SPON1: variants seen among roughly 807,000 people sequenced by gnomAD.
SPON1 encodes the protein spondin-1.
SPON1 carries 52 observed loss-of-function variants against 111.7 expected under a neutral mutation model. That is an observed-to-expected ratio of 0.47 (90% confidence interval 0.37 to 0.59). The LOEUF is 0.59. Among genes scored for constraint, SPON1 ranks in the 20% least tolerant of loss-of-function variants. SPON1 has a pLI of 0.00. For missense variants in SPON1, 957 were observed against 1,068.5 expected, an observed-to-expected ratio of 0.90 and a Z score of 1.46; for synonymous variants, 410 against 395.8, an observed-to-expected ratio of 1.04 and a Z score of -0.43.
chr11:14,102,879 A>T (rs1181800118), intron 5 of SPON1, among the ~76,000 whole-genome samples: 1 of 152,220 alleles, frequency 6.6e-6, no homozygotes, highest in Non-Finnish European at 1.5e-5. Context: ...CATATTGCTA[A>T]CATGCTCCCG....
chr11:14,262,209 T>C lies in SPON1; in HGVS notation c.1997-503T>C, dbSNP rs368304812. Among the ~76,000 whole-genome samples the C allele has an allele frequency of 2.0e-5, 3 of 152,194 alleles. No individual in the cohort carries two copies. The East Asian group carries it at 5.8e-4, about 29-fold the overall frequency. On this transcript the variant is annotated intron_variant, in intron 14 of 15. Coordinates refer to ENST00000576479, the MANE Select transcript of SPON1 (RefSeq NM_006108.4). ...ACCATATATAGAACACAGGATGATG[T>C]TGAGAATGAAAAGCTGCCAGGGTGT...
chr11:14,125,355 T>C (rs1364955027), intron 5 of SPON1, among the ~76,000 whole-genome samples: 1 of 152,230 alleles, frequency 6.6e-6, no homozygotes, highest in African/African-American at 2.4e-5. Flanking sequence ...AGTCTGTAGA[T>C]GGGTTAACCT....
At chr11:14,203,072 G>A (rs556959522) in intron 6 of SPON1, among the ~76,000 whole-genome samples, 26 of 152,256 alleles carry the variant, frequency 1.7e-4, no homozygotes, top group Non-Finnish European at 3.2e-4. Flanking sequence ...CTGCCAGGGC[G>A]CAAGATGTCC....
At chr11:14,147,238 T>C (rs1847732112) in intron 6 of SPON1, among the ~76,000 whole-genome samples, 1 of 151,822 alleles carries the variant, frequency 6.6e-6, no homozygotes, top group African/African-American at 2.4e-5. Flanking sequence ...TTCACCTTGT[T>C]GGTCAGGCTG....
chr11:13,974,453 A>G (rs1018305156), intron 1 of SPON1, among the ~76,000 whole-genome samples: 1 of 152,204 alleles, frequency 6.6e-6, no homozygotes, highest in African/African-American at 2.4e-5. Context: ...TGAGGGTAAT[A>G]GGCATAGAAG....
At chr11:14,091,512 G>T (rs1849057366) in intron 5 of SPON1, among the ~76,000 whole-genome samples, 1 of 152,196 alleles carries the variant, frequency 6.6e-6, no homozygotes, top group African/African-American at 2.4e-5. Context: ...ATTGAGCGCA[G>T]CACCGGTGGG....
intron 14 of SPON1, 139 bp downstream of exon 14, chr11:14,260,891 T>C (rs1849163993): frequency 1.1e-6 from 1 of 901,958 alleles, no homozygotes; most frequent in Admixed American, 3.0e-5. Flanking sequence ...GCTTTCAGTG[T>C]TTGCAGTTAC....
At chr11:14,260,463 T>C in intron 13 of SPON1, 125 bp from the exon 14 acceptor site, 1 of 1,018,590 alleles carries the variant, frequency 9.8e-7, no homozygotes, top group Non-Finnish European at 1.4e-6. Context: ...TTTGAACCCA[T>C]GGGCCAATTC....
Position 14,070,144 on chromosome 11 carries a change from G to C in SPON1, c.480-5201G>C, listed in dbSNP as rs528571310. The stretch of plus-strand genomic sequence containing the variant: ...TATCATTGCAGTGACTTCAATATTT[G>C]ATTCCTGGGTCATCCCACAGTTAAT... On this transcript the variant is annotated intron_variant, in intron 3 of 15. Transcript: ENST00000576479. Among the ~76,000 whole-genome samples, 4 of 152,132 alleles carry C rather than the reference G, an allele frequency of 2.6e-5. No homozygotes were observed. The South Asian group carries it at 6.2e-4, about 24-fold the overall frequency.
At chr11:14,256,752 C>A in intron 10 of SPON1, 60 bp downstream of exon 10, 9 of 1,318,252 alleles carry the variant, frequency 6.8e-6, no homozygotes, top group Non-Finnish European at 9.8e-6. Context: ...TTTGAGAAAG[C>A]AATTTGCTAA....
chr11:14,026,511 C>T (rs1267528223), intron 2 of SPON1, among the ~76,000 whole-genome samples: 1 of 152,194 alleles, frequency 6.6e-6, no homozygotes, highest in Non-Finnish European at 1.5e-5. Context: ...GGAAGATATT[C>T]AGTGACTTGT....
chr11:14,108,549 G>C (rs1554925122), intron 5 of SPON1, among the ~76,000 whole-genome samples: 1 of 152,056 alleles, frequency 6.6e-6, no homozygotes, highest in African/African-American at 2.4e-5. Context: ...TGGAAGTAAA[G>C]GGCCCCAAGT....
At chr11:14,234,878 A>G (rs1848844759) in intron 6 of SPON1, among the ~76,000 whole-genome samples, 1 of 152,230 alleles carries the variant, frequency 6.6e-6, no homozygotes, top group Non-Finnish European at 1.5e-5. Context: ...TGGATCTGCT[A>G]ATGGGCTTCA....
At chr11:14,097,328 C>T (rs782274281) in intron 5 of SPON1, among the ~76,000 whole-genome samples, 7 of 152,136 alleles carry the variant, frequency 4.6e-5, no homozygotes, top group African/African-American at 1.2e-4. Flanking sequence ...ATGCAATTTC[C>T]GTAAAAACTG....
intron 6 of SPON1, among the ~76,000 whole-genome samples, chr11:14,136,558 C>T (rs1305305190): frequency 1.3e-5 from 2 of 152,188 alleles, no homozygotes; most frequent in Non-Finnish European, 2.9e-5. Flanking sequence ...ACAGCTGAGG[C>T]CCGCAGTGTT....
At chr11:13,970,013 C>T (rs1391937480) in intron 1 of SPON1, among the ~76,000 whole-genome samples, 1 of 152,208 alleles carries the variant, frequency 6.6e-6, no homozygotes, top group Non-Finnish European at 1.5e-5. Context: ...TAGCAAGTGG[C>T]CCAAATCATT....
At chr11:14,113,568 ATTTTTTTTTTTTTTTTTTTTTTTTTTTT>A (rs782780924) in intron 5 of SPON1, among the ~76,000 whole-genome samples, 1,468 of 74,754 alleles carry the variant, frequency 0.02, 206 homozygotes, top group African/African-American at 0.072. Context: ...TACTTTTTAA[ATTTTTTTTTTTTTTTTTTTTTTTTTTTT>A]TTTTTTTTTT....
chr11:13,970,219 T>G (rs1554908447), intron 1 of SPON1, among the ~76,000 whole-genome samples: 1 of 151,926 alleles, frequency 6.6e-6, no homozygotes, highest in African/African-American at 2.4e-5. Context: ...AGGGATGGAG[T>G]TGGGGTGCAG....
chr11:14,047,505 A>G (rs533873052), intron 3 of SPON1, among the ~76,000 whole-genome samples: 1 of 152,340 alleles, frequency 6.6e-6, no homozygotes, highest in South Asian at 2.1e-4. Flanking sequence ...CTTTCAGCCT[A>G]GTTGTGATGT....
Sources: gnomAD v4.1 joint callset for allele counts (sites outside exome capture counted in the v4.1 genomes callset) on GRCh38, gnomAD v4.1.1 for gene constraint, MANE v1.5 for transcripts, NCBI Gene and HGNC (gene_info 2026-07-23, HGNC 2026-07-21) for gene names.